DYM: variants seen among roughly 807,000 people sequenced by gnomAD.
The protein encoded by DYM is dymeclin.
In DYM, 78 loss-of-function variants were observed where a neutral mutation model predicts 93.1. The ratio of observed to expected loss-of-function variants is 0.84; its 90% CI spans 0.70 to 1.01. DYM has a LOEUF of 1.01. Among genes scored for constraint, DYM ranks in the 50% least tolerant of loss-of-function variants. The pLI is 0.00. For missense variants in DYM, 789 were observed against 845.0 expected (o/e 0.93, Z 0.82); for synonymous variants, 321 against 319.7 (o/e 1.00, Z -0.04).
chr18:49,260,110 T>C (rs953611778), intron 11 of DYM, among the ~76,000 whole-genome samples: 1 of 152,178 alleles, frequency 6.6e-6, no homozygotes, highest in African/African-American at 2.4e-5. Flanking sequence ...CTTAAGATTA[T>C]AAAAGTATCA....
chr18:49,329,292 G>C (rs8098926), intron 8 of DYM, among the ~76,000 whole-genome samples: 15,331 of 130,260 alleles, frequency 0.12, 1,070 homozygotes, highest in South Asian at 0.21. Context: ...TGTGGGGTGG[G>C]GGGGAGGGGG....
At chr18:49,066,598 G>A (rs1038109348) in intron 17 of DYM, among the ~76,000 whole-genome samples, 9 of 152,194 alleles carry the variant, frequency 5.9e-5, no homozygotes, top group African/African-American at 2.2e-4. Context: ...TCGTGTGCAA[G>A]GGCAGGCATT....
At chr18:49,239,441 T>G (rs567739127) in intron 13 of DYM, among the ~76,000 whole-genome samples, 1 of 152,308 alleles carries the variant, frequency 6.6e-6, no homozygotes, top group South Asian at 2.1e-4. Flanking sequence ...GAACCACATC[T>G]CCCAGCACTT....
At chr18:49,421,044 C>T (rs949836750) in intron 2 of DYM, among the ~76,000 whole-genome samples, 2 of 152,204 alleles carry the variant, frequency 1.3e-5, no homozygotes, top group African/African-American at 4.8e-5. Context: ...GGAGAACTGC[C>T]TGCCTCTGTA....
At chr18:49,274,376 C>T (rs2094795169) in intron 10 of DYM, among the ~76,000 whole-genome samples, 1 of 152,130 alleles carries the variant, frequency 6.6e-6, no homozygotes, top group African/African-American at 2.4e-5. Context: ...TACCACATTT[C>T]ATTTATCCAT....
At chr18:49,422,623 C>T (rs1416057364) in intron 2 of DYM, among the ~76,000 whole-genome samples, 1 of 152,052 alleles carries the variant, frequency 6.6e-6, no homozygotes, top group African/African-American at 2.4e-5. Context: ...ACAGTCAAGA[C>T]CCATCAGTGT....
chr18:49,262,100 G>C (rs1361981905), intron 11 of DYM, among the ~76,000 whole-genome samples: 2 of 152,158 alleles, frequency 1.3e-5, no homozygotes, highest in Non-Finnish European at 2.9e-5. Context: ...GACTGCATTA[G>C]ATTAATGTGG....
In DYM at chr18:49,440,229, T is replaced by C. The variant is rs1361913155; in HGVS notation, c.-53-9782A>G. 1.6e-4 allele frequency among the ~76,000 whole-genome samples: 23 copies of C among 142,326 alleles called. 1 individual carries two copies. Among genetic ancestry groups the C allele is most frequent in the Admixed American group, 1.2e-3 (16 of 13,552 alleles). 93.4% of individuals were successfully genotyped at this position (142,326 alleles called of 152,430 possible). ...AAATTCTGTTCTAACACCCTCAAAA[T>C]GTGTAAATGATGCCCTAATGCCCTT... is the stretch of plus-strand genomic sequence containing the variant. On this transcript the variant is annotated intron_variant, in intron 1 of 17. Coordinates refer to ENST00000675505, the MANE Select transcript of DYM (RefSeq NM_001353214.3).
chr18:49,383,431 T>C (rs1018652458), intron 3 of DYM, among the ~76,000 whole-genome samples: 1 of 152,110 alleles, frequency 6.6e-6, no homozygotes, highest in Non-Finnish European at 1.5e-5. Flanking sequence ...AGCCAAGAAG[T>C]GAGGATAATG....
At chr18:49,361,271 G>A (rs1377604966) in intron 6 of DYM, among the ~76,000 whole-genome samples, 2 of 152,116 alleles carry the variant, frequency 1.3e-5, no homozygotes, top group African/African-American at 4.8e-5. Flanking sequence ...CATACCACCA[G>A]GCCATATCAC....
chr18:49,341,257 G>A (rs148645564), intron 6 of DYM, among the ~76,000 whole-genome samples: 1,838 of 152,210 alleles, frequency 0.012, 31 homozygotes, highest in African/African-American at 0.041. Context: ...TTGGGAGGCC[G>A]AGGCGGGTGG....
chr18:49,220,058 C>G (rs980566316), intron 13 of DYM, among the ~76,000 whole-genome samples: 6 of 151,944 alleles, frequency 3.9e-5, no homozygotes, highest in Admixed American at 3.3e-4. Context: ...CAGCAAAGTC[C>G]CAGGATACAA....
chr18:49,073,006 A>G (rs1461312465), intron 17 of DYM, among the ~76,000 whole-genome samples: 1 of 152,224 alleles, frequency 6.6e-6, no homozygotes, highest in African/African-American at 2.4e-5. Flanking sequence ...ACCAAAAACA[A>G]AATATCCTTG....
intron 6 of DYM, among the ~76,000 whole-genome samples, chr18:49,339,024 C>A (rs1340810442): frequency 1.3e-5 from 2 of 151,808 alleles, no homozygotes; most frequent in African/African-American, 2.4e-5. Context: ...CTCCTGCCAA[C>A]AACCAATAAA....
chr18:49,176,077 C>G (rs2145368919), intron 14 of DYM, among the ~76,000 whole-genome samples: 1 of 152,134 alleles, frequency 6.6e-6, no homozygotes, highest in Middle Eastern at 3.4e-3. Flanking sequence ...AAGTATTGGA[C>G]TAAACAATGT....
chr18:49,059,489 T>C (rs1372141264), intron 17 of DYM, among the ~76,000 whole-genome samples: 1 of 152,190 alleles, frequency 6.6e-6, no homozygotes, highest in Non-Finnish European at 1.5e-5. Flanking sequence ...TACAAAATAA[T>C]GGTCATCTTT....
Position 49,043,978 on chromosome 18 carries a change from T to A in DYM, c.*77A>T. On this transcript the variant is annotated 3_prime_UTR_variant, in exon 18 of 18. Transcript: ENST00000675505. ...AGATACACCAAGTAACCTGTCTGTC[T>A]ACTTCTGTTACCCAGAAATAAAAGA... 1 of 1,548,192 alleles carries A rather than the reference T, an allele frequency of 6.5e-7. No homozygotes were observed. The highest frequency in any genetic ancestry group is 8.9e-7 in the Non-Finnish European group (1 of 1,126,274).
intron 2 of DYM, among the ~76,000 whole-genome samples, chr18:49,397,789 G>A (rs987480399): frequency 2.0e-5 from 3 of 152,026 alleles, no homozygotes; most frequent in Admixed American, 6.6e-5. Context: ...ATATTTCAAA[G>A]GTTTTTAAAA....
intron 1 of DYM, among the ~76,000 whole-genome samples, chr18:49,440,399 G>A (rs1190490034): frequency 8.5e-6 from 1 of 117,846 alleles, no homozygotes; most frequent in Non-Finnish European, 1.6e-5. Context: ...ATATAATATA[G>A]CATATTATAT....
Sources: allele counts gnomAD v4.1 joint callset (sites outside exome capture counted in the v4.1 genomes callset), GRCh38; gene constraint gnomAD v4.1.1; transcripts MANE v1.5; gene names NCBI Gene and HGNC (gene_info 2026-07-23, HGNC 2026-07-21).